The following MYOM1 variants were observed in gnomAD, a reference collection of about 807,000 sequenced individuals.
The protein encoded by MYOM1 is myomesin-1.
A neutral mutation model predicts 205.3 loss-of-function variants in MYOM1; 164 were observed. That is an observed-to-expected ratio of 0.80 (90% CI 0.70 to 0.91). MYOM1 has a LOEUF of 0.91. Ranked by LOEUF, MYOM1 falls within the 40% of genes least tolerant of loss-of-function variation. MYOM1 has a pLI of 0.00. For synonymous variants in MYOM1, 772 were observed against 789.4 expected (o/e 0.98, Z 0.37); for missense variants, 2,011 against 2,127.3 (o/e 0.95, Z 1.08).
At chr18:3,177,156 TTGAGCCTG>T (rs1451879529) in intron 5 of MYOM1, among the ~76,000 whole-genome samples, 1 of 151,660 alleles carries the variant, frequency 6.6e-6, no homozygotes, top group Non-Finnish European at 1.5e-5. Context: ...GGAGAATAGC[TTGAGCCTG>T]AGAGGCTGAG....
chr18:3,168,848 A>G lies in MYOM1; in HGVS notation c.1308T>C (p.His436=). 6.2e-7 allele frequency: 1 copy of G among 1,613,952 alleles called. No homozygotes were observed. Among genetic ancestry groups the G allele is most frequent in the Non-Finnish European group, 8.5e-7 (1 of 1,179,882 alleles). The change falls in exon 9 of 38, where the codon CAT becomes CAC. Residue 436 remains histidine (H), a synonymous_variant. Coordinates refer to ENST00000356443, the MANE Select transcript of MYOM1 (RefSeq NM_003803.4). Reference sequence around the variant, plus strand: ...TGTACCACTGGATCTCTGGCTGGAAATGTTTAATTTCAGGAGTGATGACAA... The same window carrying G: ...TGTACCACTGGATCTCTGGCTGGAAGTGTTTAATTTCAGGAGTGATGACAA... ...CRVVITPEIK[H]FQPEIQWYRN... is the part of the protein sequence containing the mutation.
At chr18:3,163,000 C>T (rs544581119) in intron 10 of MYOM1, among the ~76,000 whole-genome samples, 22 of 136,000 alleles carry the variant, frequency 1.6e-4, no homozygotes, top group Non-Finnish European at 2.8e-4. Flanking sequence ...CACTGCACTC[C>T]AGCCTGGGTG....
intron 5 of MYOM1, among the ~76,000 whole-genome samples, chr18:3,182,350 G>A (rs967508555): frequency 1.2e-4 from 19 of 152,084 alleles, no homozygotes; most frequent in African/African-American, 4.6e-4. Flanking sequence ...GAGTTGATGG[G>A]TGCAGTACAC....
intron 10 of MYOM1, among the ~76,000 whole-genome samples, chr18:3,162,859 A>G (rs2080413277): frequency 6.6e-6 from 1 of 152,062 alleles, no homozygotes; most frequent in Non-Finnish European, 1.5e-5. Context: ...CCCCATCTCT[A>G]CTAAAAATAC....
chr18:3,173,132 T>C lies in MYOM1; in HGVS notation c.1174+806A>G, dbSNP rs535154678. 2.0e-5 allele frequency among the ~76,000 whole-genome samples: 3 copies of C among 152,374 alleles called. No individual in the cohort carries two copies. The South Asian group carries it at 6.2e-4, about 32-fold the overall frequency. On this transcript the variant is annotated intron_variant, in intron 8 of 37. Coordinates refer to ENST00000356443, the MANE Select transcript of MYOM1 (RefSeq NM_003803.4). Reference sequence around the variant, plus strand: ...AAGTATATAATTATTTCAACAACCATAAAGATTTTACTTTTATTGCTTCTC... The same window carrying C: ...AAGTATATAATTATTTCAACAACCACAAAGATTTTACTTTTATTGCTTCTC...
At chr18:3,199,134 C>T (rs1426364213) in intron 2 of MYOM1, among the ~76,000 whole-genome samples, 2 of 152,166 alleles carry the variant, frequency 1.3e-5, no homozygotes, top group African/African-American at 4.8e-5. Flanking sequence ...CCAGCTTAGT[C>T]CATAAGGTAG....
At chr18:3,157,054 A>G (rs1193878214) in intron 10 of MYOM1, among the ~76,000 whole-genome samples, 1 of 152,192 alleles carries the variant, frequency 6.6e-6, no homozygotes, top group Non-Finnish European at 1.5e-5. Context: ...CTAGAAAGCC[A>G]TCAGCTACAA....
At chr18:3,069,462 C>G (rs1198961829) in intron 37 of MYOM1, among the ~76,000 whole-genome samples, 1 of 152,030 alleles carries the variant, frequency 6.6e-6, no homozygotes, top group Admixed American at 6.6e-5. Flanking sequence ...TATTTGTTAC[C>G]CCTTTTGCAG....
intron 14 of MYOM1, among the ~76,000 whole-genome samples, chr18:3,141,253 C>T (rs1036927962): frequency 5.3e-5 from 8 of 152,194 alleles, no homozygotes; most frequent in African/African-American, 1.4e-4. Context: ...ATCAGAACTA[C>T]CCTCAAATAC....
intron 2 of MYOM1, among the ~76,000 whole-genome samples, chr18:3,211,696 T>C (rs895873727): frequency 4.6e-5 from 7 of 152,248 alleles, no homozygotes; most frequent in Admixed American, 3.9e-4. Flanking sequence ...CAGAATTTAC[T>C]TTATAGCTCG....
intron 30 of MYOM1, among the ~76,000 whole-genome samples, 159 bp from the exon 31 acceptor site, chr18:3,085,291 T>C (rs2079140210): frequency 8.2e-6 from 1 of 121,764 alleles, no homozygotes; most frequent in African/African-American, 3.1e-5. Flanking sequence ...GGTCTCACTC[T>C]ATCAGCCAGG....
intron 22 of MYOM1, among the ~76,000 whole-genome samples, chr18:3,105,581 A>T (rs1251851690): frequency 6.6e-6 from 1 of 152,144 alleles, no homozygotes; most frequent in Non-Finnish European, 1.5e-5. Context: ...CTGGCCAGGC[A>T]TGGTGGCTCA....
chr18:3,068,113 C>T (rs75356458), intron 37 of MYOM1, among the ~76,000 whole-genome samples: 1,974 of 152,132 alleles, frequency 0.013, 13 homozygotes, highest in Non-Finnish European at 0.019. Context: ...AAAACGTATT[C>T]CTAAAGAAAA....
At chr18:3,116,251 C>G in intron 21 of MYOM1, 80 bp downstream of exon 21, 1 of 1,415,552 alleles carries the variant, frequency 7.1e-7, no homozygotes, top group Non-Finnish European at 9.7e-7. Context: ...CGGAGATATT[C>G]TGTTTTATCT....
At position 3,187,462 on chromosome 18, in the gene MYOM1, T is replaced by A; in HGVS notation, c.929+18A>T. 1.2e-6 allele frequency: 2 copies of A among 1,608,352 alleles called. No homozygotes were observed. Among genetic ancestry groups the A allele is most frequent in the Non-Finnish European group, 1.7e-6 (2 of 1,175,480 alleles). ...CTTGGTGTAATGAATTCTGTTAGCT[T>A]TCATAAAGATAACATACCACGTGAC... is the stretch of plus-strand genomic sequence containing the variant. On this transcript the variant is annotated intron_variant, in intron 5 of 37. Coordinates refer to ENST00000356443, the MANE Select transcript of MYOM1 (RefSeq NM_003803.4).
chr18:3,088,947 A>G (rs2079188215), intron 29 of MYOM1, among the ~76,000 whole-genome samples: 1 of 152,236 alleles, frequency 6.6e-6, no homozygotes, highest in Non-Finnish European at 1.5e-5. Flanking sequence ...GTTACTAACT[A>G]GATCATGAGT....
intron 13 of MYOM1, among the ~76,000 whole-genome samples, chr18:3,148,102 G>A (rs187696209): frequency 3.3e-5 from 5 of 152,270 alleles, no homozygotes; most frequent in East Asian, 3.9e-4. Flanking sequence ...GTGACAATGC[G>A]GGAGCAAGTG....
chr18:3,215,390 G>A, intron 1 of MYOM1, 139 bp from the exon 2 acceptor site: 5 of 716,398 alleles, frequency 7.0e-6, no homozygotes, highest in South Asian at 5.9e-5. Context: ...AGGATCTCTC[G>A]AGGCCGGGAG....
chr18:3,102,760 A>G (rs898476546), intron 22 of MYOM1, 130 bp from the exon 23 acceptor site: 36 of 888,730 alleles, frequency 4.1e-5, no homozygotes, highest in Non-Finnish European at 5.3e-5. Context: ...AAGCTTCACT[A>G]CTCATGCAGG....
Sources: gnomAD v4.1 joint callset for allele counts (sites outside exome capture counted in the v4.1 genomes callset) on GRCh38, gnomAD v4.1.1 for gene constraint, MANE v1.5 for transcripts, NCBI Gene and HGNC (gene_info 2026-07-23, HGNC 2026-07-21) for gene names.